The following PGAP1 variants were observed in gnomAD, a reference collection of about 807,000 sequenced individuals.
The protein encoded by PGAP1 is GPI inositol-deacylase.
A neutral mutation model predicts 127.0 loss-of-function variants in PGAP1; 76 were observed. That is an observed-to-expected ratio of 0.60 (90% CI 0.50 to 0.72). PGAP1 has a LOEUF of 0.72. Ranked by LOEUF, PGAP1 falls within the 30% of genes least tolerant of loss-of-function variation. The pLI is 0.00. For synonymous variants in PGAP1, 362 were observed against 366.5 expected, an observed-to-expected ratio of 0.99 and a Z score of 0.14; for missense variants, 982 against 1,071.3, an observed-to-expected ratio of 0.92 and a Z score of 1.16.
At chr2:196,913,083 G>A (rs758834933) in intron 3 of PGAP1, 30 bp from the exon 4 acceptor site, 1 of 1,567,346 alleles carries the variant, frequency 6.4e-7, no homozygotes. Context: ...GGTCATAATT[G>A]CGGCTTTGTA....
chr2:196,859,320 C>T (rs531405248), intron 20 of PGAP1, among the ~76,000 whole-genome samples: 3 of 152,236 alleles, frequency 2.0e-5, no homozygotes, highest in South Asian at 4.1e-4. Flanking sequence ...GAGTGAGACT[C>T]TGTCTAAAAA....
At chr2:196,874,182 A>G (rs928324052) in intron 14 of PGAP1, among the ~76,000 whole-genome samples, 1 of 152,136 alleles carries the variant, frequency 6.6e-6, no homozygotes, top group Non-Finnish European at 1.5e-5. Flanking sequence ...TTCATAAATA[A>G]AATGTAAAAA....
At chr2:196,861,507 CA>C (rs1257782734) in intron 20 of PGAP1, among the ~76,000 whole-genome samples, 3 of 152,116 alleles carry the variant, frequency 2.0e-5, no homozygotes, top group Non-Finnish European at 2.9e-5. Context: ...TAAAAGTGGC[CA>C]AAAGATCTGA....
At chr2:196,863,979 C>A (rs1701154497) in intron 20 of PGAP1, among the ~76,000 whole-genome samples, 1 of 152,132 alleles carries the variant, frequency 6.6e-6, no homozygotes, top group Non-Finnish European at 1.5e-5. Context: ...TGATGGATAT[C>A]CTAATTATCC....
At chr2:196,858,702 G>C (rs1309374198) in intron 20 of PGAP1, among the ~76,000 whole-genome samples, 1 of 151,750 alleles carries the variant, frequency 6.6e-6, no homozygotes, top group Non-Finnish European at 1.5e-5. Flanking sequence ...AAAAGAAATT[G>C]AGACTGAAAA....
chr2:196,906,892 G>T (rs1180164275), intron 4 of PGAP1, among the ~76,000 whole-genome samples: 5 of 121,366 alleles, frequency 4.1e-5, no homozygotes, highest in Non-Finnish European at 8.4e-5. Flanking sequence ...GAGAAGGGAA[G>T]TTTAGAGAAA....
intron 10 of PGAP1, among the ~76,000 whole-genome samples, chr2:196,886,767 G>A (rs1400468589): frequency 6.6e-6 from 1 of 151,666 alleles, no homozygotes; most frequent in Admixed American, 6.6e-5. Flanking sequence ...GCACAATCTC[G>A]GCTCACTGCA....
intron 20 of PGAP1, among the ~76,000 whole-genome samples, chr2:196,849,261 A>ATTTTTTTTT (rs747641877): frequency 7.4e-6 from 1 of 135,984 alleles, no homozygotes; most frequent in African/African-American, 2.7e-5. Context: ...TGTCAGAATA[A>ATTTTTTTTT]TTTTTTTTTT....
chr2:196,868,243 T>C (rs371702628), intron 19 of PGAP1, among the ~76,000 whole-genome samples: 3 of 152,230 alleles, frequency 2.0e-5, no homozygotes, highest in East Asian at 3.8e-4. Context: ...GGTAACTGAC[T>C]GGAAAATATT....
intron 19 of PGAP1, 132 bp from the exon 20 acceptor site, chr2:196,865,212 C>G: frequency 1.8e-6 from 1 of 554,910 alleles, no homozygotes; most frequent in Non-Finnish European, 3.2e-6. Context: ...TAATAAGTAT[C>G]AAAAACTCTA....
In PGAP1 at chr2:196,920,482, T is replaced by C. The variant is rs577570510; in HGVS notation, c.148-332A>G. Among the ~76,000 whole-genome samples, 8 of 152,254 alleles carry C rather than the reference T, an allele frequency of 5.3e-5. No homozygotes were observed. The Middle Eastern group carries it at 0.01, about 194-fold the overall frequency. On this transcript the variant is annotated intron_variant, in intron 1 of 26. Coordinates refer to ENST00000354764, the MANE Select transcript of PGAP1 (RefSeq NM_024989.4). ...GTCGACAAGTTACATGTTAACATAA[T>C]TGGATAAGTATCAATTATACTTAGA...
intron 10 of PGAP1, among the ~76,000 whole-genome samples, chr2:196,886,874 T>G (rs545428487): frequency 6.6e-6 from 1 of 152,062 alleles, no homozygotes; most frequent in Admixed American, 6.5e-5. Flanking sequence ...ATTTTTGTAT[T>G]TTTAGTGGAG....
chr2:196,919,893 A>T lies in PGAP1; in HGVS notation c.301+104T>A. The T allele has an allele frequency of 2.6e-6, 3 of 1,156,324 alleles. No individual in the cohort carries two copies. In the South Asian group the frequency reaches 4.7e-5, roughly 18 times the overall value. The allele number at this position is 1,156,324 out of a possible 1,614,324, so 71.6% of individuals were successfully genotyped here. A position where few individuals can be genotyped will look rare whatever the true frequency, so the allele number is the denominator to read the frequency against. On this transcript the variant is annotated intron_variant, in intron 2 of 26. Coordinates refer to ENST00000354764, the MANE Select transcript of PGAP1 (RefSeq NM_024989.4). ...AAGCCCAGCACAGCACTTCACACAC[A>T]GCATGCATTTCATTTACTTTATTTG...
intron 5 of PGAP1, 72 bp downstream of exon 5, chr2:196,902,513 T>C (rs1039556626): frequency 4.5e-6 from 6 of 1,319,260 alleles, no homozygotes; most frequent in Non-Finnish European, 6.3e-6. Context: ...TGCAGCTATA[T>C]ATTATTTCTT....
intron 7 of PGAP1, among the ~76,000 whole-genome samples, chr2:196,895,289 G>A (rs983491395): frequency 6.6e-6 from 1 of 152,048 alleles, no homozygotes; most frequent in African/African-American, 2.4e-5. Flanking sequence ...TGTATTTATT[G>A]AAATTAGTTT....
intron 6 of PGAP1, among the ~76,000 whole-genome samples, 177 bp downstream of exon 6, chr2:196,898,140 C>A (rs912439182): frequency 1.4e-4 from 21 of 152,032 alleles, no homozygotes; most frequent in Admixed American, 1.4e-3. Context: ...TCACTTGAAG[C>A]CAGGAGGCGA....
intron 22 of PGAP1, among the ~76,000 whole-genome samples, chr2:196,846,288 T>G (rs943698337): frequency 6.6e-6 from 1 of 152,174 alleles, no homozygotes; most frequent in Non-Finnish European, 1.5e-5. Flanking sequence ...AAGATAATCA[T>G]TAATTATACA....
chr2:196,899,505 C>T (rs2125824886), intron 5 of PGAP1, among the ~76,000 whole-genome samples: 1 of 152,272 alleles, frequency 6.6e-6, no homozygotes, highest in South Asian at 2.1e-4. Context: ...CATTAATGGT[C>T]AGTAGAGTAA....
At chr2:196,892,065 G>T (rs1040594941) in intron 9 of PGAP1, among the ~76,000 whole-genome samples, 2 of 151,882 alleles carry the variant, frequency 1.3e-5, no homozygotes, top group Admixed American at 6.6e-5. Flanking sequence ...GGTGGTAAGA[G>T]AAAGTCTTCC....
Sources: allele counts gnomAD v4.1 joint callset (sites outside exome capture counted in the v4.1 genomes callset), GRCh38; gene constraint gnomAD v4.1.1; transcripts MANE v1.5; gene names NCBI Gene and HGNC (gene_info 2026-07-23, HGNC 2026-07-21).